Variants in STXBP5L observed in about 807,000 individuals in gnomAD.
STXBP5L encodes syntaxin-binding protein 5-like.
In STXBP5L, 65 loss-of-function variants were observed where a neutral mutation model predicts 144.5. The observed-to-expected ratio is 0.45, with a 90% CI of 0.37 to 0.55. The LOEUF (loss-of-function observed/expected upper bound fraction) is 0.55. STXBP5L is among the 20% of genes least tolerant of loss of function. The pLI is 0.00. For missense variants in STXBP5L, 1,298 were observed against 1,405.5 expected (o/e 0.92, Z 1.22); for synonymous variants, 505 against 469.6 (o/e 1.08, Z -0.97).
intron 7 of STXBP5L, among the ~76,000 whole-genome samples, chr3:121,136,219 G>A (rs375768447): frequency 3.9e-5 from 6 of 152,158 alleles, no homozygotes; most frequent in Admixed American, 6.5e-5. Flanking sequence ...TTCACTTGGC[G>A]AAGGAAAGGA....
intron 9 of STXBP5L, among the ~76,000 whole-genome samples, chr3:121,162,838 T>A (rs923482755): frequency 6.6e-5 from 10 of 152,152 alleles, no homozygotes; most frequent in Admixed American, 6.5e-4. Context: ...TCATCACTGG[T>A]CATTAGAGAA....
At chr3:121,045,226 C>T (rs544129731) in intron 4 of STXBP5L, among the ~76,000 whole-genome samples, 8 of 152,224 alleles carry the variant, frequency 5.3e-5, no homozygotes, top group African/African-American at 1.9e-4. Flanking sequence ...TCTCCCTGAC[C>T]GTTGAAATGC....
chr3:121,050,042 C>A (rs1199558138), intron 5 of STXBP5L, among the ~76,000 whole-genome samples: 1 of 152,136 alleles, frequency 6.6e-6, no homozygotes. Flanking sequence ...TGGCTCCATG[C>A]CACTTCTGGG....
chr3:121,376,932 G>A (rs1007326334), intron 20 of STXBP5L, among the ~76,000 whole-genome samples: 1 of 152,260 alleles, frequency 6.6e-6, no homozygotes, highest in Non-Finnish European at 1.5e-5. Flanking sequence ...TCTCATTGAA[G>A]TGGTCCTTCA....
chr3:121,232,246 A>C (rs1335208110), intron 11 of STXBP5L, among the ~76,000 whole-genome samples: 1 of 152,194 alleles, frequency 6.6e-6, no homozygotes, highest in Non-Finnish European at 1.5e-5. Flanking sequence ...ATCGAGTGCC[A>C]CGTGAACATA....
At chr3:121,040,244 G>C (rs1947055558) in intron 3 of STXBP5L, among the ~76,000 whole-genome samples, 1 of 152,008 alleles carries the variant, frequency 6.6e-6, no homozygotes, top group Non-Finnish European at 1.5e-5. Flanking sequence ...TGTTTAGTAT[G>C]CAGTTAAGCT....
At chr3:120,913,733 CA>C (rs1265867988) in intron 2 of STXBP5L, among the ~76,000 whole-genome samples, 2 of 151,816 alleles carry the variant, frequency 1.3e-5, no homozygotes, top group Admixed American at 1.3e-4. Flanking sequence ...GCTTTTGAAG[CA>C]AACCAAGTGT....
chr3:121,249,715 A>G (rs935577028), intron 14 of STXBP5L, among the ~76,000 whole-genome samples: 1 of 152,026 alleles, frequency 6.6e-6, no homozygotes, highest in African/African-American at 2.4e-5. Context: ...AACACCTCCA[A>G]TAAGATGTTG....
rs58611806 is a variant in STXBP5L, at chr3:121,062,137, G to A, written c.470+16602G>A. The stretch of plus-strand genomic sequence containing the variant: ...CTGTTCATGTTTAGTGCTTCCTTCA[G>A]GAGCTCTTGAAAGGCAAAGCCGCCA... On this transcript the variant is annotated intron_variant, in intron 5 of 26. Transcript: ENST00000471454. Among the ~76,000 whole-genome samples, 615 of 152,274 alleles carry A rather than the reference G, an allele frequency of 4.0e-3. 3 individuals are homozygous for A. Among genetic ancestry groups the A allele is most frequent in the African/African-American group, 0.014 (565 of 41,562 alleles).
intron 3 of STXBP5L, among the ~76,000 whole-genome samples, chr3:121,039,436 C>T (rs1946987539): frequency 6.6e-6 from 1 of 151,622 alleles, no homozygotes. Flanking sequence ...ACGTTATAAA[C>T]CACAAATGTA....
At chr3:120,931,484 T>A (rs1000784780) in intron 2 of STXBP5L, among the ~76,000 whole-genome samples, 4 of 152,084 alleles carry the variant, frequency 2.6e-5, no homozygotes, top group African/African-American at 9.7e-5. Context: ...AAATTATTCA[T>A]GTTCCAAAAG....
intron 9 of STXBP5L, among the ~76,000 whole-genome samples, chr3:121,205,069 T>C (rs2048286450): frequency 6.6e-6 from 1 of 152,258 alleles, no homozygotes; most frequent in Non-Finnish European, 1.5e-5. Flanking sequence ...CATTGTATGC[T>C]TTAAATAGCA....
chr3:120,933,109 A>G (rs1305494975), intron 2 of STXBP5L, among the ~76,000 whole-genome samples: 2 of 151,670 alleles, frequency 1.3e-5, no homozygotes, highest in Non-Finnish European at 2.9e-5. Context: ...TGACGAGTTA[A>G]TGGGTGCAGC....
At chr3:121,162,708 T>A (rs2046366130) in intron 9 of STXBP5L, among the ~76,000 whole-genome samples, 1 of 152,012 alleles carries the variant, frequency 6.6e-6, no homozygotes, top group Non-Finnish European at 1.5e-5. Context: ...TACAAGGAAT[T>A]TAAACACATT....
At chr3:121,029,839 A>C (rs761136281) in intron 3 of STXBP5L, among the ~76,000 whole-genome samples, 2 of 151,856 alleles carry the variant, frequency 1.3e-5, no homozygotes, top group African/African-American at 4.8e-5. Flanking sequence ...TTACAAGAAA[A>C]AAAAAACCCC....
At chr3:121,277,729 CT>C (rs918213540) in intron 18 of STXBP5L, among the ~76,000 whole-genome samples, 3 of 151,274 alleles carry the variant, frequency 2.0e-5, no homozygotes, top group Non-Finnish European at 2.9e-5. Flanking sequence ...TATTTTGTGC[CT>C]TTTTTTAGTA....
chr3:121,134,223 G>A (rs989234649), intron 7 of STXBP5L, among the ~76,000 whole-genome samples: 3 of 152,072 alleles, frequency 2.0e-5, no homozygotes, highest in Non-Finnish European at 4.4e-5. Flanking sequence ...CACATGGTGA[G>A]GGAGCAGAGT....
At chr3:121,415,833 CT>C in intron 24 of STXBP5L, 23 bp from the exon 25 acceptor site, 1 of 1,535,578 alleles carries the variant, frequency 6.5e-7, no homozygotes, top group Non-Finnish European at 8.9e-7. Context: ...TGTTCTAATG[CT>C]TTTTTCTGTG....
intron 3 of STXBP5L, among the ~76,000 whole-genome samples, chr3:120,965,468 C>T (rs577361334): frequency 1.4e-4 from 21 of 152,104 alleles, no homozygotes; most frequent in Admixed American, 7.9e-4. Context: ...TTAAGGCAGG[C>T]CTGGTGTGAC....
Sources: gnomAD v4.1 joint callset for allele counts (sites outside exome capture counted in the v4.1 genomes callset) on GRCh38, gnomAD v4.1.1 for gene constraint, MANE v1.5 for transcripts, NCBI Gene and HGNC (gene_info 2026-07-23, HGNC 2026-07-21) for gene names.